Variants in SLC24A2 observed in about 807,000 individuals in gnomAD.
SLC24A2 encodes the protein sodium/potassium/calcium exchanger 2.
In SLC24A2, 36 loss-of-function variants were observed where a neutral mutation model predicts 62.0. The ratio of observed to expected loss-of-function variants is 0.58; its 90% CI spans 0.44 to 0.77. SLC24A2 has a LOEUF of 0.77. Among genes scored for constraint, SLC24A2 ranks in the 30% least tolerant of loss-of-function variants. The pLI, the probability that SLC24A2 is intolerant of heterozygous loss-of-function variation, is 0.00. For synonymous variants in SLC24A2, 358 were observed against 294.0 expected (o/e 1.22, Z -2.23); for missense variants, 846 against 817.9 (o/e 1.03, Z -0.42).
the SLC24A2 span, among the ~76,000 whole-genome samples, chr9:20,247,925 T>C: frequency 6.6e-6 from 1 of 152,378 alleles, no homozygotes; most frequent in African/African-American, 2.4e-5. Context: ...CCTGCTATGC[T>C]TATGAGAATT....
the SLC24A2 span, among the ~76,000 whole-genome samples, chr9:20,148,627 A>G: frequency 6.6e-6 from 1 of 152,156 alleles, no homozygotes; most frequent in Non-Finnish European, 1.5e-5. Context: ...GACATTTCAA[A>G]AGAATGGATT....
At chr9:20,230,260 G>A in the SLC24A2 span, among the ~76,000 whole-genome samples, 1 of 152,100 alleles carries the variant, frequency 6.6e-6, no homozygotes, top group Non-Finnish European at 1.5e-5. Context: ...GTAATGGGAT[G>A]GCTGGGTCAA....
At chr9:20,061,635 GA>G in the SLC24A2 span, among the ~76,000 whole-genome samples, 1 of 152,152 alleles carries the variant, frequency 6.6e-6, no homozygotes, top group African/African-American at 2.4e-5. Context: ...ATGAGGAAAG[GA>G]TAGTCTTTTC....
At chr9:20,256,936 AC>A in the SLC24A2 span, among the ~76,000 whole-genome samples, 1 of 152,016 alleles carries the variant, frequency 6.6e-6, no homozygotes. Flanking sequence ...ACACACACAC[AC>A]ACACACACAC....
chr9:19,524,638 C>A (rs930792973), intron 9 of SLC24A2, among the ~76,000 whole-genome samples: 2 of 152,130 alleles, frequency 1.3e-5, no homozygotes, highest in Non-Finnish European at 2.9e-5. Context: ...CTATTTTGTT[C>A]AGCTGTCTGG....
the SLC24A2 span, among the ~76,000 whole-genome samples, chr9:19,906,304 A>C: frequency 6.6e-6 from 1 of 151,816 alleles, no homozygotes; most frequent in Non-Finnish European, 1.5e-5. Flanking sequence ...AACATACCAG[A>C]ATCTCTGGGA....
At chr9:20,118,399 T>C in the SLC24A2 span, among the ~76,000 whole-genome samples, 21 of 152,102 alleles carry the variant, frequency 1.4e-4, no homozygotes, top group African/African-American at 5.1e-4. Context: ...ACTAGAAACA[T>C]TATGAAAGAC....
intron 6 of SLC24A2, among the ~76,000 whole-genome samples, chr9:19,576,705 C>T (rs1277814980): frequency 6.6e-6 from 1 of 152,146 alleles, no homozygotes; most frequent in Non-Finnish European, 1.5e-5. Flanking sequence ...AATAAATTTA[C>T]TCTTCTTGGA....
chr9:19,616,797 T>C (rs1383079739), intron 4 of SLC24A2, among the ~76,000 whole-genome samples: 3 of 152,104 alleles, frequency 2.0e-5, no homozygotes, highest in Non-Finnish European at 4.4e-5. Flanking sequence ...TAAAGGTTCA[T>C]TGGCAGATGA....
chr9:19,764,194 C>T (rs1053245385), intron 2 of SLC24A2, among the ~76,000 whole-genome samples: 2 of 151,978 alleles, frequency 1.3e-5, no homozygotes, highest in Non-Finnish European at 2.9e-5. Context: ...CTATTTGATT[C>T]TTCTCTCTTT....
rs910940648 is a variant in SLC24A2, at chr9:19,749,075, C to G, written c.930+36862G>C. ...AGCCCCTGAGGTTCTCATGAATCAG[C>G]AAAATTGCTTTGGGCATTCTAGATA... On this transcript the variant is annotated intron_variant, in intron 2 of 10. Coordinates refer to ENST00000341998, the MANE Select transcript of SLC24A2 (RefSeq NM_020344.4). Among the ~76,000 whole-genome samples, 3 of 148,614 alleles carry G rather than the reference C, an allele frequency of 2.0e-5. No homozygotes were observed. In the Admixed American group the frequency reaches 2.0e-4, roughly 10 times the overall value.
the SLC24A2 span, among the ~76,000 whole-genome samples, chr9:20,076,639 C>T: frequency 6.6e-6 from 1 of 152,096 alleles, no homozygotes; most frequent in South Asian, 2.1e-4. Flanking sequence ...TGCTTTGTGA[C>T]ACTTTGTTGT....
At chr9:19,634,969 T>A (rs1325847450) in intron 2 of SLC24A2, among the ~76,000 whole-genome samples, 1 of 152,090 alleles carries the variant, frequency 6.6e-6, no homozygotes, top group African/African-American at 2.4e-5. Flanking sequence ...GGATTGATGA[T>A]GCTGGAGATT....
chr9:20,220,230 G>C, the SLC24A2 span, among the ~76,000 whole-genome samples: 1 of 152,088 alleles, frequency 6.6e-6, no homozygotes, highest in Non-Finnish European at 1.5e-5. Flanking sequence ...TTGTCACATA[G>C]AGAAATGGAA....
the SLC24A2 span, among the ~76,000 whole-genome samples, chr9:20,108,301 G>A: frequency 6.6e-6 from 1 of 151,980 alleles, no homozygotes; most frequent in Non-Finnish European, 1.5e-5. Context: ...GATTCCTCAG[G>A]GATCTAAAAC....
chr9:20,162,256 C>T, the SLC24A2 span, among the ~76,000 whole-genome samples: 2 of 151,464 alleles, frequency 1.3e-5, no homozygotes, highest in African/African-American at 2.4e-5. Flanking sequence ...ACAAAATAGG[C>T]TTCATCTACA....
intron 9 of SLC24A2, 32 bp downstream of exon 9, chr9:19,528,017 A>T (rs564774667): frequency 7.5e-7 from 1 of 1,332,306 alleles, no homozygotes; most frequent in East Asian, 2.4e-5. Flanking sequence ...GGAGAAAAAC[A>T]AGGCAGAGGC....
chr9:20,227,990 T>C, the SLC24A2 span, among the ~76,000 whole-genome samples: 1 of 152,196 alleles, frequency 6.6e-6, no homozygotes, highest in Non-Finnish European at 1.5e-5. Flanking sequence ...GAATAGAATC[T>C]TCATTTTCTC....
the SLC24A2 span, among the ~76,000 whole-genome samples, chr9:20,100,216 TTTTTG>T: frequency 2.7e-4 from 41 of 152,062 alleles, no homozygotes; most frequent in Middle Eastern, 3.4e-3. Context: ...TTTTTTTGTT[TTTTTG>T]TTTTGTTTTG....
Sources: allele counts gnomAD v4.1 joint callset (sites outside exome capture counted in the v4.1 genomes callset), GRCh38; gene constraint gnomAD v4.1.1; transcripts MANE v1.5; gene names NCBI Gene and HGNC (gene_info 2026-07-23, HGNC 2026-07-21).